The following DGKI variants were observed in gnomAD, a reference collection of about 807,000 sequenced individuals.
The protein encoded by DGKI is DAG kinase iota.
DGKI carries 55 observed loss-of-function variants against 147.5 expected under a neutral mutation model. That is an observed-to-expected ratio of 0.37 (90% CI 0.30 to 0.47). The LOEUF (loss-of-function observed/expected upper bound fraction) is 0.47. DGKI is among the 20% of genes least tolerant of loss of function. The pLI is 1.00. For synonymous variants in DGKI, 469 were observed against 477.1 expected (o/e 0.98, Z 0.22); for missense variants, 1,007 against 1,323.8 (o/e 0.76, Z 3.71).
rs756865571 is a variant in DGKI at position 137,384,224 on chromosome 7, C to G, written c.*6996G>C. 6.6e-6 allele frequency: 1 copy of G among 151,980 alleles called. No individual in the cohort carries two copies. Among genetic ancestry groups the G allele is most frequent in the Admixed American group, 6.6e-5 (1 of 15,220 alleles). The allele number at this position is 151,980 out of a possible 1,614,324, so 9.4% of individuals were successfully genotyped here. On this transcript the variant is annotated 3_prime_UTR_variant, in exon 33 of 33. Coordinates refer to ENST00000614521, the MANE Select transcript of DGKI (RefSeq NM_001321708.2). The stretch of plus-strand genomic sequence containing the variant: ...ACAAATAAGTTAAAGAAGCCATTAA[C>G]GCTCACTGTTAATTTCTTCTCTTGA...
At chr7:137,617,614 A>T (rs1820579238) in intron 8 of DGKI, among the ~76,000 whole-genome samples, 1 of 152,010 alleles carries the variant, frequency 6.6e-6, no homozygotes, top group African/African-American at 2.4e-5. Flanking sequence ...TTCCAGGAAG[A>T]TGGGGTAGAT....
intron 19 of DGKI, among the ~76,000 whole-genome samples, chr7:137,554,428 T>C (rs1818151699): frequency 6.6e-6 from 1 of 152,178 alleles, no homozygotes; most frequent in African/African-American, 2.4e-5. Context: ...CTAGCATGTG[T>C]TAGTCTTCTG....
intron 28 of DGKI, among the ~76,000 whole-genome samples, chr7:137,420,128 C>T (rs1356939076): frequency 6.6e-6 from 1 of 152,058 alleles, no homozygotes; most frequent in African/African-American, 2.4e-5. Context: ...GCCTTGGATC[C>T]TCTCATGTGG....
At chr7:137,626,110 C>A (rs1820931227) in intron 6 of DGKI, among the ~76,000 whole-genome samples, 1 of 152,064 alleles carries the variant, frequency 6.6e-6, no homozygotes, top group Non-Finnish European at 1.5e-5. Flanking sequence ...TGAGCCCTTC[C>A]CTTTGTTGAT....
chr7:137,609,529 A>T lies in DGKI; in HGVS notation c.1068+6T>A, dbSNP rs772234207. The T allele has an allele frequency of 6.2e-7, 1 of 1,605,066 alleles. No homozygotes were observed. The highest frequency in any genetic ancestry group is 8.5e-7 in the Non-Finnish European group (1 of 1,172,138). On this transcript the variant is annotated splice_donor_region_variant and intron_variant, in intron 9 of 32. Coordinates refer to ENST00000614521, the MANE Select transcript of DGKI (RefSeq NM_001321708.2). Reference sequence around the variant, plus strand: ...ATTCCTCAGAATAAAACTCTGAAACACTTACTTCCATCCCTCTTTTACTGG... The same window carrying T: ...ATTCCTCAGAATAAAACTCTGAAACTCTTACTTCCATCCCTCTTTTACTGG...
At chr7:137,760,542 G>T (rs1198603379) in intron 1 of DGKI, among the ~76,000 whole-genome samples, 1 of 152,026 alleles carries the variant, frequency 6.6e-6, no homozygotes, top group Non-Finnish European at 1.5e-5. Context: ...GATTTTATCG[G>T]GAGGGTTTCT....
intron 1 of DGKI, among the ~76,000 whole-genome samples, chr7:137,751,919 A>G (rs1795500007): frequency 6.6e-6 from 1 of 152,238 alleles, no homozygotes; most frequent in Admixed American, 6.5e-5. Context: ...TAACATGATA[A>G]TAACAAAAGA....
At chr7:137,610,142 T>C (rs1312524788) in intron 8 of DGKI, among the ~76,000 whole-genome samples, 1 of 152,170 alleles carries the variant, frequency 6.6e-6, no homozygotes, top group Admixed American at 6.5e-5. Flanking sequence ...TCGAAATTTA[T>C]GATCCAACTG....
rs148779791 is a variant in DGKI at position 137,487,662 on chromosome 7, C to G, written c.2276G>C (p.Arg759Pro). The G allele has an allele frequency of 6.2e-7, 1 of 1,613,718 alleles. No homozygotes were observed. Among genetic ancestry groups the G allele is most frequent in the South Asian group, 1.1e-5 (1 of 91,060 alleles). The change falls in exon 22 of 33, where the codon CGT becomes CCT. Residue 759 changes from arginine (R) to proline (P), a missense_variant. Physicochemically the swap from Arg to Pro is moderately radical, Grantham distance 103. Around this residue, in one of 5 missense-constraint regions of DGKI, gnomAD observed 385 missense variants for 445.2 expected, o/e 0.86. Transcript: ENST00000614521. ...ASIPLGILVV[R>P]GDCDLETCRM... ...GCAAGTCTCCAAATCACAGTCTCCA[C>G]GCACAACTAGAATACCCAGAGGTAT... is the stretch of plus-strand genomic sequence containing the variant.
At chr7:137,753,073 C>G (rs1795559800) in intron 1 of DGKI, among the ~76,000 whole-genome samples, 1 of 151,918 alleles carries the variant, frequency 6.6e-6, no homozygotes, top group Non-Finnish European at 1.5e-5. Flanking sequence ...CACGCACACC[C>G]ACAATACCCA....
chr7:137,408,753 G>A (rs776825423), intron 29 of DGKI, among the ~76,000 whole-genome samples: 16 of 152,154 alleles, frequency 1.1e-4, no homozygotes, highest in Non-Finnish European at 2.2e-4. Flanking sequence ...TGAGGATAAG[G>A]TGGCTACATG....
intron 30 of DGKI, 130 bp from the exon 31 acceptor site, chr7:137,397,543 A>G (rs1811599120): frequency 1.2e-6 from 1 of 811,756 alleles, no homozygotes; most frequent in Admixed American, 2.5e-5. Flanking sequence ...TAAGACAGAA[A>G]GAAAAATAAA....
At chr7:137,706,509 T>TATTTTATTTTATTTC (rs1554462267) in intron 1 of DGKI, among the ~76,000 whole-genome samples, 1 of 124,868 alleles carries the variant, frequency 8.0e-6, no homozygotes, top group African/African-American at 2.7e-5. Context: ...TATTTTATTT[T>TATTTTATTTTATTTC]ATTTCATTTT....
At chr7:137,755,421 A>C (rs1795647578) in intron 1 of DGKI, among the ~76,000 whole-genome samples, 1 of 152,108 alleles carries the variant, frequency 6.6e-6, no homozygotes, top group Non-Finnish European at 1.5e-5. Context: ...CAGAGGGAGG[A>C]GGGAGAAACA....
intron 3 of DGKI, among the ~76,000 whole-genome samples, chr7:137,658,917 T>C (rs1017563069): frequency 1.3e-5 from 2 of 152,246 alleles, no homozygotes; most frequent in African/African-American, 4.8e-5. Context: ...TGATAATATA[T>C]GGAGTCGAGT....
intron 12 of DGKI, among the ~76,000 whole-genome samples, chr7:137,596,149 G>A (rs1359001611): frequency 6.6e-6 from 1 of 151,384 alleles, no homozygotes; most frequent in Non-Finnish European, 1.5e-5. Flanking sequence ...AGGCAACAAA[G>A]AAGTCCAAGA....
At chr7:137,782,635 C>T (rs1432237079) in intron 1 of DGKI, among the ~76,000 whole-genome samples, 1 of 152,142 alleles carries the variant, frequency 6.6e-6, no homozygotes, top group East Asian at 1.9e-4. Flanking sequence ...CCTATAGGAC[C>T]GCAGCTGATG....
intron 1 of DGKI, among the ~76,000 whole-genome samples, chr7:137,745,462 T>C (rs537584081): frequency 6.6e-6 from 1 of 152,276 alleles, no homozygotes; most frequent in Non-Finnish European, 1.5e-5. Flanking sequence ...AACAGCAAGT[T>C]TTCAATTATG....
At chr7:137,694,506 G>A (rs1303576295) in intron 1 of DGKI, among the ~76,000 whole-genome samples, 2 of 152,082 alleles carry the variant, frequency 1.3e-5, no homozygotes, top group African/African-American at 2.4e-5. Flanking sequence ...GATGCTGCAC[G>A]TGAGAACAGA....
Sources: gnomAD v4.1 joint callset for allele counts (sites outside exome capture counted in the v4.1 genomes callset) on GRCh38, gnomAD v4.1.1 for gene constraint, gnomAD v4.1.1 regional missense constraint, MANE v1.5 for transcripts, NCBI Gene and HGNC (gene_info 2026-07-23, HGNC 2026-07-21) for gene names.